The following CNTNAP5 variants were observed in gnomAD, a reference collection of about 807,000 sequenced individuals.
The protein encoded by CNTNAP5 is contactin associated protein family member 5, also known as contactin-associated protein-like 5.
Under a neutral mutation model 150.2 loss-of-function variants are expected in CNTNAP5, and 72 were observed. That is an observed-to-expected ratio of 0.48 (90% CI 0.40 to 0.58). CNTNAP5 has a LOEUF of 0.58. Among genes scored for constraint, CNTNAP5 ranks in the 20% least tolerant of loss-of-function variants. The probability of loss-of-function intolerance (pLI) is 0.00; values close to 1 mark genes in which losing one functional copy is unlikely to be tolerated. For missense variants in CNTNAP5, 1,636 were observed against 1,626.2 expected (o/e 1.01, Z -0.10); for synonymous variants, 672 against 619.8 (o/e 1.08, Z -1.25).
intron 2 of CNTNAP5, among the ~76,000 whole-genome samples, chr2:124,233,705 T>G (rs2104756107): frequency 6.6e-6 from 1 of 151,680 alleles, no homozygotes; most frequent in African/African-American, 2.4e-5. Context: ...CTCTCCTTTC[T>G]CTCTCTCTCT....
At chr2:124,727,623 T>C (rs1467968351) in intron 13 of CNTNAP5, among the ~76,000 whole-genome samples, 1 of 152,044 alleles carries the variant, frequency 6.6e-6, no homozygotes, top group Admixed American at 6.6e-5. Flanking sequence ...CAATTCATTG[T>C]TCGTATATAG....
At chr2:124,279,714 C>T (rs1687967390) in intron 3 of CNTNAP5, among the ~76,000 whole-genome samples, 1 of 152,104 alleles carries the variant, frequency 6.6e-6, no homozygotes, top group African/African-American at 2.4e-5. Flanking sequence ...AGAATCTCTT[C>T]TCACCCGGCT....
intron 16 of CNTNAP5, among the ~76,000 whole-genome samples, chr2:124,771,461 A>G (rs1681190050): frequency 6.6e-6 from 1 of 152,214 alleles, no homozygotes; most frequent in South Asian, 2.1e-4. Context: ...TAACCACTTA[A>G]GACACTTGCA....
At chr2:124,408,181 T>TA (rs1267078067) in intron 3 of CNTNAP5, among the ~76,000 whole-genome samples, 4 of 152,156 alleles carry the variant, frequency 2.6e-5, no homozygotes, top group African/African-American at 9.7e-5. Flanking sequence ...CCGACGGGCT[T>TA]AAAAAACGGC....
At chr2:124,892,043 G>A (rs1399570467) in intron 21 of CNTNAP5, among the ~76,000 whole-genome samples, 2 of 152,082 alleles carry the variant, frequency 1.3e-5, no homozygotes, top group East Asian at 1.9e-4. Flanking sequence ...GGAGAGGGAA[G>A]TATAAGTCTA....
At chr2:124,523,037 C>T (rs1022436427) in intron 8 of CNTNAP5, among the ~76,000 whole-genome samples, 4 of 152,166 alleles carry the variant, frequency 2.6e-5, no homozygotes, top group African/African-American at 7.2e-5. Context: ...TTTAATCCTC[C>T]TTGCATATGT....
intron 1 of CNTNAP5, among the ~76,000 whole-genome samples, chr2:124,107,272 C>T (rs1573758098): frequency 6.6e-6 from 1 of 152,164 alleles, no homozygotes; most frequent in Admixed American, 6.5e-5. Flanking sequence ...GAAACCACTG[C>T]GTCTATCTTT....
At chr2:124,065,747 C>T (rs1682136517) in intron 1 of CNTNAP5, among the ~76,000 whole-genome samples, 1 of 152,092 alleles carries the variant, frequency 6.6e-6, no homozygotes, top group Non-Finnish European at 1.5e-5. Flanking sequence ...AGCAATGTAG[C>T]CACCTCCTCT....
chr2:124,574,932 C>A (rs553411557), intron 11 of CNTNAP5, among the ~76,000 whole-genome samples: 7 of 152,248 alleles, frequency 4.6e-5, no homozygotes, highest in Admixed American at 3.9e-4. Flanking sequence ...TCATTTGTGC[C>A]ATATTCAAGG....
At chr2:124,522,714 G>T (rs556159715) in intron 8 of CNTNAP5, among the ~76,000 whole-genome samples, 1 of 152,224 alleles carries the variant, frequency 6.6e-6, no homozygotes, top group East Asian at 1.9e-4. Flanking sequence ...GAGACCTCTG[G>T]GTGATTGGAT....
intron 1 of CNTNAP5, among the ~76,000 whole-genome samples, chr2:124,127,542 A>C (rs906786822): frequency 3.9e-5 from 6 of 152,222 alleles, no homozygotes; most frequent in Non-Finnish European, 7.3e-5. Context: ...ATTTCTTCAC[A>C]GAATTGGAAA....
chr2:124,747,854 G>A (rs528831900), intron 14 of CNTNAP5, among the ~76,000 whole-genome samples: 282 of 129,588 alleles, frequency 2.2e-3, no homozygotes, highest in Admixed American at 5.5e-3. Flanking sequence ...GGCCAGGATG[G>A]TCTTGATATC....
intron 4 of CNTNAP5, among the ~76,000 whole-genome samples, chr2:124,418,352 T>C (rs914084925): frequency 9.8e-5 from 15 of 152,306 alleles, no homozygotes; most frequent in African/African-American, 3.6e-4. Context: ...GTTCAGTAGA[T>C]TCCTGTTTTG....
At position 124,262,104 on chromosome 2, in the gene CNTNAP5, G is replaced by C. The variant is rs969982734; in HGVS notation, c.381+19711G>C. Reference sequence around the variant, plus strand: ...GTTTCTTTTTTTTTTAATTATCCAGGCATGGTGGCATGCACCTGTAGTCTG... The same window carrying C: ...GTTTCTTTTTTTTTTAATTATCCAGCCATGGTGGCATGCACCTGTAGTCTG... On this transcript the variant is annotated intron_variant, in intron 3 of 23. Coordinates refer to ENST00000682447, the MANE Select transcript of CNTNAP5 (RefSeq NM_001367498.1). Among the ~76,000 whole-genome samples, 3 of 151,686 alleles carry C rather than the reference G, an allele frequency of 2.0e-5. No individual in the cohort carries two copies. In the South Asian group the frequency reaches 6.2e-4, roughly 32 times the overall value.
At chr2:124,242,093 A>T in intron 2 of CNTNAP5, 107 bp from the exon 3 acceptor site, 1 of 851,776 alleles carries the variant, frequency 1.2e-6, no homozygotes, top group South Asian at 1.7e-5. Flanking sequence ...ATTTGGGGGT[A>T]GAGTCATCTT....
At chr2:124,720,879 G>T (rs901096101) in intron 13 of CNTNAP5, among the ~76,000 whole-genome samples, 1 of 152,140 alleles carries the variant, frequency 6.6e-6, no homozygotes, top group East Asian at 1.9e-4. Flanking sequence ...ATCAGACGGA[G>T]AATATAATTT....
At chr2:124,338,647 A>G (rs1573925873) in intron 3 of CNTNAP5, among the ~76,000 whole-genome samples, 1 of 152,244 alleles carries the variant, frequency 6.6e-6, no homozygotes, top group African/African-American at 2.4e-5. Context: ...ATACAATTGC[A>G]ATTTTCTTTA....
At chr2:124,561,558 T>C (rs939773309) in intron 10 of CNTNAP5, among the ~76,000 whole-genome samples, 5 of 152,196 alleles carry the variant, frequency 3.3e-5, no homozygotes, top group African/African-American at 7.2e-5. Flanking sequence ...TTGGTTGTTT[T>C]GTGTGAATAC....
At chr2:124,486,048 A>G (rs1693873463) in intron 7 of CNTNAP5, among the ~76,000 whole-genome samples, 1 of 152,136 alleles carries the variant, frequency 6.6e-6, no homozygotes, top group Admixed American at 6.5e-5. Flanking sequence ...AAAATATAGA[A>G]CCAGCCTAAA....
Sources: allele counts gnomAD v4.1 joint callset (sites outside exome capture counted in the v4.1 genomes callset), GRCh38; gene constraint gnomAD v4.1.1; transcripts MANE v1.5; gene names NCBI Gene and HGNC (gene_info 2026-07-23, HGNC 2026-07-21).